Variants in HDAC4 observed in about 807,000 individuals in gnomAD.
The protein encoded by HDAC4 is histone deacetylase A.
Under a neutral mutation model 135.1 loss-of-function variants are expected in HDAC4, and 16 were observed. That is an observed-to-expected ratio of 0.12 (90% confidence interval 0.08 to 0.18). HDAC4 has a LOEUF of 0.18. Ranked by LOEUF, HDAC4 falls within the 10% of genes least tolerant of loss-of-function variation. HDAC4 has a pLI of 1.00. For synonymous variants in HDAC4, 685 were observed against 653.4 expected (o/e 1.05, Z -0.74); for missense variants, 1,143 against 1,511.8 (o/e 0.76, Z 4.05).
chr2:239,131,922 G>A (rs1190719177), intron 11 of HDAC4, among the ~76,000 whole-genome samples: 1 of 152,228 alleles, frequency 6.6e-6, no homozygotes, highest in Non-Finnish European at 1.5e-5. Context: ...GGCCTTCAAG[G>A]AGAGTCCGGT....
intron 12 of HDAC4, among the ~76,000 whole-genome samples, chr2:239,125,943 C>G (rs2040155299): frequency 6.6e-6 from 1 of 152,266 alleles, no homozygotes. Flanking sequence ...GCCCTGTACG[C>G]TGCTTACCCT....
In HDAC4 at chr2:239,231,801, C is replaced by T. The variant is rs12994107; in HGVS notation, c.94+4792G>A. Among the ~76,000 whole-genome samples the T allele has an allele frequency of 6.5e-3, 342 of 53,002 alleles. 9 individuals are homozygous for T. Among genetic ancestry groups the T allele is most frequent in the Middle Eastern group, 0.024 (2 of 84 alleles). 34.8% of individuals were successfully genotyped at this position (53,002 alleles called of 152,430 possible). A position where few individuals can be genotyped will look rare whatever the true frequency, so the allele number is the denominator to read the frequency against. On this transcript the variant is annotated intron_variant, in intron 3 of 26. Coordinates refer to ENST00000543185, the MANE Select transcript of HDAC4 (RefSeq NM_001378414.1). ...CTCCCCGAAGCGCCCCTGTCCTCAACCGAGGCTGCTGAGCACCTGCTCCCG... is the reference window on the plus strand; with the variant it reads ...CTCCCCGAAGCGCCCCTGTCCTCAATCGAGGCTGCTGAGCACCTGCTCCCG...
At chr2:239,190,478 C>T (rs2044862636) in intron 3 of HDAC4, among the ~76,000 whole-genome samples, 1 of 152,202 alleles carries the variant, frequency 6.6e-6, no homozygotes, top group South Asian at 2.1e-4. Context: ...CAAGGAAAAG[C>T]GCGGGCGCCA....
At chr2:239,108,663 G>C (rs1475463182) in intron 14 of HDAC4, among the ~76,000 whole-genome samples, 1 of 152,220 alleles carries the variant, frequency 6.6e-6, no homozygotes, top group African/African-American at 2.4e-5. Flanking sequence ...ACGGAGAACT[G>C]TCCAAGGTAC....
At chr2:239,084,016 C>G in intron 20 of HDAC4, 139 bp downstream of exon 20, 2 of 712,514 alleles carry the variant, frequency 2.8e-6, no homozygotes, top group Non-Finnish European at 5.1e-6. Flanking sequence ...GGCTTTACTT[C>G]TCCGCATCTT....
intron 5 of HDAC4, among the ~76,000 whole-genome samples, chr2:239,174,158 A>C (rs768108892): frequency 6.6e-6 from 1 of 152,236 alleles, no homozygotes; most frequent in Admixed American, 6.5e-5. Flanking sequence ...GCACAAAATC[A>C]TCTAAAGGAA....
chr2:239,136,364 T>C (rs914693336), intron 9 of HDAC4, among the ~76,000 whole-genome samples: 6 of 152,206 alleles, frequency 3.9e-5, no homozygotes, highest in Non-Finnish European at 7.3e-5. Flanking sequence ...GCTGCAAATG[T>C]CAGGGTTCTA....
At chr2:239,366,700 G>A (rs1369243439) in intron 1 of HDAC4, among the ~76,000 whole-genome samples, 2 of 152,148 alleles carry the variant, frequency 1.3e-5, no homozygotes, top group Non-Finnish European at 2.9e-5. Flanking sequence ...GGTGTGAAAC[G>A]CTGGGCTCAA....
At chr2:239,298,374 G>A (rs1022437879) in intron 2 of HDAC4, 34 of 1,185,232 alleles carry the variant, frequency 2.9e-5, no homozygotes, top group Admixed American at 1.8e-4. Flanking sequence ...GTAGGGATCC[G>A]GAATCGCCAG....
At chr2:239,173,360 A>G (rs1358007758) in intron 5 of HDAC4, among the ~76,000 whole-genome samples, 1 of 152,230 alleles carries the variant, frequency 6.6e-6, no homozygotes, top group Non-Finnish European at 1.5e-5. Context: ...ATATTCAAAT[A>G]AATCCATATG....
At chr2:239,339,660 C>A (rs1167610796) in intron 2 of HDAC4, among the ~76,000 whole-genome samples, 1 of 152,158 alleles carries the variant, frequency 6.6e-6, no homozygotes, top group African/African-American at 2.4e-5. Context: ...ACATGTGGCC[C>A]GCGGCCCCCT....
chr2:239,073,286 A>T (rs1574914289), intron 22 of HDAC4, among the ~76,000 whole-genome samples: 1 of 152,204 alleles, frequency 6.6e-6, no homozygotes, highest in Non-Finnish European at 1.5e-5. Flanking sequence ...AGCTGTAGAA[A>T]GTGCTTTCCA....
intron 1 of HDAC4, among the ~76,000 whole-genome samples, chr2:239,376,780 C>T (rs1695040392): frequency 6.6e-6 from 1 of 151,728 alleles, no homozygotes; most frequent in Admixed American, 6.6e-5. Flanking sequence ...GACACAAATC[C>T]TCATAATGCA....
chr2:239,195,192 A>T (rs1047437139), intron 3 of HDAC4, among the ~76,000 whole-genome samples: 2 of 152,176 alleles, frequency 1.3e-5, no homozygotes, highest in Admixed American at 1.3e-4. Context: ...AGGGATGTTC[A>T]CACTGCCTTG....
At chr2:239,168,680 CAAG>C (rs1553640534) in intron 5 of HDAC4, among the ~76,000 whole-genome samples, 1 of 152,222 alleles carries the variant, frequency 6.6e-6, no homozygotes, top group Non-Finnish European at 1.5e-5. Flanking sequence ...CCTGCACAGA[CAAG>C]AACCTCCTTC....
chr2:239,212,812 G>C (rs2046414846), intron 3 of HDAC4, among the ~76,000 whole-genome samples: 1 of 152,224 alleles, frequency 6.6e-6, no homozygotes, highest in South Asian at 2.1e-4. Flanking sequence ...ACCAGGAAGT[G>C]ATCAGGTCCC....
At position 239,309,008 on chromosome 2, in the gene HDAC4, T is replaced by C. The variant is rs1384035770; in HGVS notation, c.22+43670A>G. On this transcript the variant is annotated intron_variant, in intron 2 of 26. Transcript: ENST00000543185. The surrounding 1 kb of genome is among the most constrained non-coding windows in gnomAD (Gnocchi z 4.2). ...AAGCCGCCGGCTCGCTGGAAGACAC[T>C]GAGCAGTTACATAACAGCACAGAAA... is the stretch of plus-strand genomic sequence containing the variant. The C allele has an allele frequency of 6.6e-6, 1 of 152,196 alleles. No individual in the cohort carries two copies. Among genetic ancestry groups the C allele is most frequent in the Non-Finnish European group, 1.5e-5 (1 of 68,044 alleles). 9.4% of individuals were successfully genotyped at this position (152,196 alleles called of 1,614,324 possible). A position where few individuals can be genotyped will look rare whatever the true frequency, so the allele number is the denominator to read the frequency against.
chr2:239,286,590 T>C (rs147992065), intron 2 of HDAC4, among the ~76,000 whole-genome samples: 4 of 152,206 alleles, frequency 2.6e-5, no homozygotes, highest in African/African-American at 9.6e-5. Flanking sequence ...AGCTGCGGAT[T>C]TCCAGGACTG....
chr2:239,196,393 G>A (rs1288798215), intron 3 of HDAC4, among the ~76,000 whole-genome samples: 1 of 152,198 alleles, frequency 6.6e-6, no homozygotes, highest in Non-Finnish European at 1.5e-5. Flanking sequence ...TACCCCGTGA[G>A]CAACATCCTG....
Sources: gnomAD v4.1 joint callset for allele counts (sites outside exome capture counted in the v4.1 genomes callset) on GRCh38, gnomAD v4.1.1 for gene constraint, Gnocchi (gnomAD v3.1) non-coding constraint, MANE v1.5 for transcripts, NCBI Gene and HGNC (gene_info 2026-07-23, HGNC 2026-07-21) for gene names.